Variants in DNER observed in about 807,000 individuals in gnomAD.
The protein encoded by DNER is delta/notch like EGF repeat containing, also known as delta and Notch-like epidermal growth factor-related receptor.
Under a neutral mutation model 78.2 loss-of-function variants are expected in DNER, and 33 were observed. The ratio of observed to expected loss-of-function variants is 0.42; its 90% CI spans 0.32 to 0.56. The LOEUF (loss-of-function observed/expected upper bound fraction) is 0.56, where lower values mean the gene tolerates loss of function less well. Ranked by LOEUF, DNER falls within the 20% of genes least tolerant of loss-of-function variation. The probability of loss-of-function intolerance (pLI) is 0.11; values close to 1 mark genes in which losing one functional copy is unlikely to be tolerated. For synonymous variants in DNER, 417 were observed against 384.8 expected (o/e 1.08, Z -0.98); for missense variants, 918 against 975.3 (o/e 0.94, Z 0.78).
intron 1 of DNER, among the ~76,000 whole-genome samples, chr2:229,637,277 A>G (rs532125047): frequency 6.6e-6 from 1 of 152,352 alleles, no homozygotes; most frequent in South Asian, 2.1e-4. Context: ...ACAAAACATA[A>G]CAAGCTTCCA....
chr2:229,621,322 G>T (rs768116039), intron 1 of DNER, among the ~76,000 whole-genome samples: 2 of 152,136 alleles, frequency 1.3e-5, no homozygotes, highest in African/African-American at 2.4e-5. Context: ...GTTGAAAATT[G>T]TATTCACCTG....
intron 6 of DNER, among the ~76,000 whole-genome samples, chr2:229,483,066 T>C (rs1340247443): frequency 6.6e-6 from 1 of 152,182 alleles, no homozygotes; most frequent in Non-Finnish European, 1.5e-5. Context: ...ATCAAGCCCA[T>C]TGATGAGTAT....
intron 5 of DNER, among the ~76,000 whole-genome samples, chr2:229,533,826 TGTTATCGGAGATAAA>T (rs1172705452): frequency 6.6e-6 from 1 of 152,256 alleles, no homozygotes; most frequent in Non-Finnish European, 1.5e-5. Flanking sequence ...CAAGAGTTTT[TGTTATCGGAGATAAA>T]ATCTGAGCTT....
chr2:229,629,949 A>G (rs1393245597), intron 1 of DNER, among the ~76,000 whole-genome samples: 2 of 152,236 alleles, frequency 1.3e-5, no homozygotes. Context: ...TGACTGGCAG[A>G]AAATATGTCT....
At chr2:229,398,164 C>A (rs73100210) in intron 10 of DNER, among the ~76,000 whole-genome samples, 5,077 of 151,956 alleles carry the variant, frequency 0.033, 133 homozygotes, top group African/African-American at 0.073. Context: ...ACAAATTAGC[C>A]ATATCATAAA....
intron 1 of DNER, among the ~76,000 whole-genome samples, chr2:229,643,830 C>G: frequency 6.6e-6 from 1 of 152,192 alleles, no homozygotes; most frequent in Admixed American, 6.5e-5. Context: ...CTTGTTTATG[C>G]TCCAAAGCAG....
intron 8 of DNER, among the ~76,000 whole-genome samples, chr2:229,428,156 G>A (rs975932356): frequency 6.6e-6 from 1 of 151,812 alleles, no homozygotes; most frequent in African/African-American, 2.4e-5. Flanking sequence ...TTTCATGTGG[G>A]TGGTGGGGGG....
intron 7 of DNER, among the ~76,000 whole-genome samples, chr2:229,450,393 T>C (rs1286850412): frequency 6.6e-6 from 1 of 152,180 alleles, no homozygotes; most frequent in Non-Finnish European, 1.5e-5. Flanking sequence ...GAAGAGTTAA[T>C]ATTAAATATA....
chr2:229,605,932 C>T (rs1697926556), intron 1 of DNER, among the ~76,000 whole-genome samples: 1 of 152,132 alleles, frequency 6.6e-6, no homozygotes, highest in African/African-American at 2.4e-5. Flanking sequence ...CTTGCATATG[C>T]AAATGCCATA....
rs746678134 is a variant in DNER at position 229,591,755 on chromosome 2, G to A, written c.410C>T (p.Pro137Leu). 4.3e-6 allele frequency: 7 copies of A among 1,614,184 alleles called. No homozygotes were observed. Among genetic ancestry groups the A allele is most frequent in the South Asian group, 1.1e-5 (1 of 91,078 alleles). Residue 137 changes from proline to leucine, a missense_variant, in exon 2 of 13, where the codon CCC (proline) becomes CTC (leucine). Pro to Leu is a moderately conservative substitution (Grantham distance 98, BLOSUM62 -3). Transcript: ENST00000341772. The surrounding 1 kb of genome is among the most constrained non-coding windows in gnomAD (Gnocchi z 4.6). ...YEGPNCEQALPSLPATGWTES... is the reference protein window; with the variant it reads ...YEGPNCEQALLSLPATGWTES... Reference sequence around the variant, plus strand: ...GGTCCAGCCAGTGGCTGGGAGACTGGGAAGTGCCTGTTCACAGTTGGGACC... The same window carrying A: ...GGTCCAGCCAGTGGCTGGGAGACTGAGAAGTGCCTGTTCACAGTTGGGACC...
At chr2:229,483,702 C>G (rs758082290) in intron 6 of DNER, among the ~76,000 whole-genome samples, 2 of 152,186 alleles carry the variant, frequency 1.3e-5, no homozygotes, top group Non-Finnish European at 2.9e-5. Flanking sequence ...ACCCCTGGAC[C>G]CTGTGGTCAC....
chr2:229,638,010 A>C (rs1278855326), intron 1 of DNER, among the ~76,000 whole-genome samples: 5 of 152,232 alleles, frequency 3.3e-5, no homozygotes, highest in Admixed American at 3.3e-4. Flanking sequence ...ACTTGAATTC[A>C]TTATCTGTGT....
At chr2:229,565,791 C>T (rs1241671418) in intron 4 of DNER, among the ~76,000 whole-genome samples, 2 of 152,156 alleles carry the variant, frequency 1.3e-5, no homozygotes, top group African/African-American at 4.8e-5. Context: ...TTAATTTGCA[C>T]TTTCCTTTGA....
At chr2:229,427,698 A>G (rs993280662) in intron 8 of DNER, among the ~76,000 whole-genome samples, 1 of 152,144 alleles carries the variant, frequency 6.6e-6, no homozygotes, top group Non-Finnish European at 1.5e-5. Context: ...TGTGGGTGCA[A>G]AAGACCCACG....
At chr2:229,565,177 G>A (rs1697081028) in intron 4 of DNER, among the ~76,000 whole-genome samples, 2 of 152,160 alleles carry the variant, frequency 1.3e-5, no homozygotes, top group Admixed American at 6.6e-5. Flanking sequence ...GAAGTCTGAG[G>A]AAGAGGCTCT....
At position 229,681,874 on chromosome 2, in the gene DNER, C is replaced by T. The variant is rs149796869; in HGVS notation, c.276+32274G>A. Among the ~76,000 whole-genome samples, 238 of 132,358 alleles carry T rather than the reference C, an allele frequency of 1.8e-3. 2 individuals are homozygous for T. Among genetic ancestry groups the T allele is most frequent in the African/African-American group, 5.6e-3 (215 of 38,170 alleles). The allele number at this position is 132,358 out of a possible 152,430, so 86.8% of individuals were successfully genotyped here. On this transcript the variant is annotated intron_variant, in intron 1 of 12. Coordinates refer to ENST00000341772, the MANE Select transcript of DNER (RefSeq NM_139072.4). ...CACACACACACACACACAAATGTAT[C>T]GTATAACATGTTTATAAATTTATAA...
chr2:229,700,155 C>T (rs1699720553), intron 1 of DNER, among the ~76,000 whole-genome samples: 1 of 151,184 alleles, frequency 6.6e-6, no homozygotes, highest in Non-Finnish European at 1.5e-5. Context: ...TCAGTTAACA[C>T]AAAAAAAATG....
intron 11 of DNER, among the ~76,000 whole-genome samples, chr2:229,373,184 G>A (rs542806645): frequency 3.3e-5 from 5 of 152,202 alleles, no homozygotes; most frequent in South Asian, 2.1e-4. Flanking sequence ...GAAAATATTC[G>A]CAAATGATGC....
chr2:229,686,186 T>G (rs907752699), intron 1 of DNER, among the ~76,000 whole-genome samples: 1 of 152,098 alleles, frequency 6.6e-6, no homozygotes, highest in Non-Finnish European at 1.5e-5. Context: ...GTCAGGCAAA[T>G]ACACCCACAT....
Sources: gnomAD v4.1 joint callset for allele counts (sites outside exome capture counted in the v4.1 genomes callset) on GRCh38, gnomAD v4.1.1 for gene constraint, Gnocchi (gnomAD v3.1) non-coding constraint, MANE v1.5 for transcripts, NCBI Gene and HGNC (gene_info 2026-07-23, HGNC 2026-07-21) for gene names.